PLXNC1: variants seen among roughly 807,000 people sequenced by gnomAD.
The protein encoded by PLXNC1 is plexin C1.
In PLXNC1, 75 loss-of-function variants were observed where a neutral mutation model predicts 178.2. That is an observed-to-expected ratio of 0.42 (90% CI 0.35 to 0.51). The LOEUF is 0.51. Among genes scored for constraint, PLXNC1 ranks in the 20% least tolerant of loss-of-function variants. The probability of loss-of-function intolerance (pLI) is 0.02; values close to 1 mark genes in which losing one functional copy is unlikely to be tolerated. For synonymous variants in PLXNC1, 790 were observed against 779.9 expected (o/e 1.01, Z -0.22); for missense variants, 1,503 against 1,984.4 (o/e 0.76, Z 4.61).
At chr12:94,206,208 T>A (rs1394589392) in intron 4 of PLXNC1, among the ~76,000 whole-genome samples, 1 of 152,018 alleles carries the variant, frequency 6.6e-6, no homozygotes, top group Non-Finnish European at 1.5e-5. Context: ...TAGAAACAAG[T>A]GTCTGGGACC....
At position 94,305,393 on chromosome 12, in the gene PLXNC1, C is replaced by T. The variant is rs1223263604; in HGVS notation, c.*108C>T. On this transcript the variant is annotated 3_prime_UTR_variant, in exon 31 of 31. Transcript: ENST00000258526. ...TAATTTGTTGTTTGCACATAGGTTC[C>T]ACTTTGGGCACTGTCTTTTTAAGAG... 7.7e-6 allele frequency: 5 copies of T among 650,144 alleles called. No homozygotes were observed. Among genetic ancestry groups the T allele is most frequent in the Non-Finnish European group, 1.4e-5 (5 of 365,556 alleles). The allele number at this position is 650,144 out of a possible 1,614,324, so 40.3% of individuals were successfully genotyped here. A position where few individuals can be genotyped will look rare whatever the true frequency, so the allele number is the denominator to read the frequency against.
intron 21 of PLXNC1, among the ~76,000 whole-genome samples, chr12:94,276,475 AAGG>A (rs904521607): frequency 7.1e-6 from 1 of 140,232 alleles, no homozygotes; most frequent in African/African-American, 2.6e-5. Context: ...GTGGAACCAG[AAGG>A]AGGGAGGGAG....
intron 2 of PLXNC1, among the ~76,000 whole-genome samples, chr12:94,174,432 C>T (rs1961971770): frequency 6.6e-6 from 1 of 152,138 alleles, no homozygotes; most frequent in Admixed American, 6.5e-5. Context: ...CCCACCTCGG[C>T]CTTCCAAAGA....
chr12:94,172,865 A>G (rs1463165369), intron 2 of PLXNC1, among the ~76,000 whole-genome samples: 2 of 152,218 alleles, frequency 1.3e-5, no homozygotes, highest in African/African-American at 4.8e-5. Flanking sequence ...TGAAGAAACT[A>G]AAGGCTACAG....
At position 94,148,897 on chromosome 12, in the gene PLXNC1, C is replaced by CG; in HGVS notation, c.-75_-74insG. The CG allele has an allele frequency of 2.7e-6, 1 of 372,402 alleles. No homozygotes were observed. Among genetic ancestry groups the CG allele is most frequent in the Non-Finnish European group, 3.8e-6 (1 of 264,108 alleles). The allele number at this position is 372,402 out of a possible 1,614,324, so 23.1% of individuals were successfully genotyped here. ...GCGCAGGAACCGCCGCCGCCGCCGC[C>CG]CGCGTCTCCGTTGCCGCGCGCCTGA... is the stretch of plus-strand genomic sequence containing the variant. On this transcript the variant is annotated 5_prime_UTR_variant, in exon 1 of 31. An upstream open reading frame in the 5' UTR loses its in-frame stop. Coordinates refer to ENST00000258526, the MANE Select transcript of PLXNC1 (RefSeq NM_005761.3). This position sits in a 1 kb window ranked among gnomAD's most constrained non-coding sequence, Gnocchi z 4.8.
chr12:94,190,590 A>G (rs940920681), intron 4 of PLXNC1, among the ~76,000 whole-genome samples: 3 of 152,106 alleles, frequency 2.0e-5, no homozygotes, highest in Non-Finnish European at 4.4e-5. Flanking sequence ...AGTGCGCTCC[A>G]AGAAGAGTGA....
intron 10 of PLXNC1, among the ~76,000 whole-genome samples, chr12:94,239,980 C>T (rs1221727837): frequency 1.3e-5 from 2 of 152,198 alleles, no homozygotes; most frequent in Non-Finnish European, 2.9e-5. Flanking sequence ...ATGAACCTCT[C>T]TGTAGCCATT....
intron 1 of PLXNC1, among the ~76,000 whole-genome samples, chr12:94,152,880 A>T (rs766079155): frequency 6.6e-6 from 1 of 152,160 alleles, no homozygotes; most frequent in Non-Finnish European, 1.5e-5. Context: ...GATTTACGAG[A>T]TGCTTGTGTA....
intron 4 of PLXNC1, among the ~76,000 whole-genome samples, chr12:94,187,514 C>T (rs1046535424): frequency 1.3e-5 from 2 of 152,180 alleles, no homozygotes; most frequent in African/African-American, 2.4e-5. Context: ...CCATTTGCTA[C>T]GCTTCCTTAC....
At chr12:94,165,100 G>C (rs1961558815) in intron 1 of PLXNC1, among the ~76,000 whole-genome samples, 1 of 152,192 alleles carries the variant, frequency 6.6e-6, no homozygotes, top group South Asian at 2.1e-4. Flanking sequence ...GACAGAATAG[G>C]CTGAGAGCAA....
chr12:94,242,612 T>TGGGGACACATTTTA (rs1964421335), intron 11 of PLXNC1, among the ~76,000 whole-genome samples: 1 of 151,920 alleles, frequency 6.6e-6, no homozygotes, highest in Non-Finnish European at 1.5e-5. Flanking sequence ...GACACATTTT[T>TGGGGACACATTTTA]TGGGGACACA....
chr12:94,167,381 T>C (rs1489708054), intron 1 of PLXNC1, among the ~76,000 whole-genome samples: 1 of 152,192 alleles, frequency 6.6e-6, no homozygotes, highest in African/African-American at 2.4e-5. Flanking sequence ...TGGAGTCCTC[T>C]AGCCAGAGAT....
Position 94,225,687 on chromosome 12 carries a change from A to G in PLXNC1, c.1791-918A>G, listed in dbSNP as rs1963917209. On this transcript the variant is annotated intron_variant, in intron 7 of 30. Transcript: ENST00000258526. ...TAATTAAGAACCAGACCTCAGACCTAGGTCCCCCAGGGAGGGTGAGCGCCC... is the reference window on the plus strand; with the variant it reads ...TAATTAAGAACCAGACCTCAGACCTGGGTCCCCCAGGGAGGGTGAGCGCCC... Among the ~76,000 whole-genome samples the G allele has an allele frequency of 2.6e-5, 4 of 152,196 alleles. No homozygotes were observed. The South Asian group carries it at 8.3e-4, about 31-fold the overall frequency.
Position 94,248,258 on chromosome 12 carries a change from A to G in PLXNC1, c.2624A>G (p.Lys875Arg). The change falls in exon 14 of 31, where the codon AAA (lysine) becomes AGA (arginine). Residue 875 changes from lysine to arginine, a missense_variant. Around this residue, in one of 4 missense-constraint regions of PLXNC1, gnomAD observed 639 missense variants for 979.7 expected, o/e 0.65. Coordinates refer to ENST00000258526, the MANE Select transcript of PLXNC1 (RefSeq NM_005761.3). Reference sequence around the variant, plus strand: ...AATGACAACTTCAACATTTCCAAAAAAGACATTGAAATTACTCTCTTCCAT... The same window carrying G: ...AATGACAACTTCAACATTTCCAAAAGAGACATTGAAATTACTCTCTTCCAT... ...KENDNFNISK[K>R]DIEITLFHGE... 1.2e-6 allele frequency: 2 copies of G among 1,609,376 alleles called. No individual in the cohort carries two copies. Among genetic ancestry groups the G allele is most frequent in the Non-Finnish European group, 1.7e-6 (2 of 1,178,582 alleles).
At chr12:94,284,331 C>T (rs1966682605) in intron 23 of PLXNC1, among the ~76,000 whole-genome samples, 1 of 152,116 alleles carries the variant, frequency 6.6e-6, no homozygotes, top group Non-Finnish European at 1.5e-5. Flanking sequence ...TTGTTTTAAA[C>T]TGTAAGTTCC....
At chr12:94,189,549 A>G (rs1007354312) in intron 4 of PLXNC1, among the ~76,000 whole-genome samples, 2 of 152,030 alleles carry the variant, frequency 1.3e-5, no homozygotes, top group Non-Finnish European at 2.9e-5. Flanking sequence ...GTGTGGTGGT[A>G]TGTGCTTCTG....
At position 94,244,040 on chromosome 12, in the gene PLXNC1, G is replaced by A. The variant is rs1964461494; in HGVS notation, c.2388+15G>A. The A allele has an allele frequency of 2.1e-6, 3 of 1,410,934 alleles. No homozygotes were observed. The highest frequency in any genetic ancestry group is 3.0e-6 in the Non-Finnish European group (3 of 998,838). The allele number at this position is 1,410,934 out of a possible 1,614,324, so 87.4% of individuals were successfully genotyped here. ...GAAACATAAATGTAAGTCTCCAGCTGCTTTGTAATAATAGTTGTTTTCAAG... is the reference window on the plus strand; with the variant it reads ...GAAACATAAATGTAAGTCTCCAGCTACTTTGTAATAATAGTTGTTTTCAAG... On this transcript the variant is annotated intron_variant, in intron 12 of 30. Coordinates refer to ENST00000258526, the MANE Select transcript of PLXNC1 (RefSeq NM_005761.3).
intron 24 of PLXNC1, among the ~76,000 whole-genome samples, chr12:94,295,966 C>T (rs1967881818): frequency 6.6e-6 from 1 of 152,190 alleles, no homozygotes; most frequent in South Asian, 2.1e-4. Flanking sequence ...AACCTACCTG[C>T]ACCTGCCTTC....
chr12:94,263,597 G>C (rs1350875142), intron 20 of PLXNC1, among the ~76,000 whole-genome samples: 1 of 152,166 alleles, frequency 6.6e-6, no homozygotes, highest in Non-Finnish European at 1.5e-5. Context: ...TCTAAGTTTT[G>C]TGGTCAGGGC....
Sources: allele counts gnomAD v4.1 joint callset (sites outside exome capture counted in the v4.1 genomes callset), GRCh38; gene constraint gnomAD v4.1.1; regional missense constraint gnomAD v4.1.1; non-coding constraint Gnocchi (gnomAD v3.1); transcripts MANE v1.5; gene names NCBI Gene and HGNC (gene_info 2026-07-23, HGNC 2026-07-21).